Variants in DPP6 observed in about 807,000 individuals in gnomAD.
DPP6 encodes the protein A-type potassium channel modulatory protein DPP6.
DPP6 carries 69 observed loss-of-function variants against 122.6 expected under a neutral mutation model. The ratio of observed to expected loss-of-function variants is 0.56; its 90% CI spans 0.46 to 0.69. The LOEUF (loss-of-function observed/expected upper bound fraction) is 0.69. Among genes scored for constraint, DPP6 ranks in the 30% least tolerant of loss-of-function variants. The pLI is 0.00. For synonymous variants in DPP6, 418 were observed against 433.1 expected, an observed-to-expected ratio of 0.97 and a Z score of 0.43; for missense variants, 928 against 1,116.9, an observed-to-expected ratio of 0.83 and a Z score of 2.41.
intron 1 of DPP6, among the ~76,000 whole-genome samples, chr7:154,021,844 T>C (rs1195652801): frequency 6.6e-6 from 1 of 152,218 alleles, no homozygotes; most frequent in African/African-American, 2.4e-5. Flanking sequence ...CACCCACCTA[T>C]GTTGGTGAGA....
intron 5 of DPP6, among the ~76,000 whole-genome samples, chr7:154,623,335 A>G (rs557821821): frequency 2.0e-3 from 309 of 152,300 alleles, no homozygotes; most frequent in African/African-American, 6.9e-3. Context: ...CTGTGCTGGA[A>G]ACAAACTATT....
At chr7:153,890,200 A>G (rs2041205) in intron 1 of DPP6, among the ~76,000 whole-genome samples, 30,400 of 152,234 alleles carry the variant, frequency 0.2, 3,145 homozygotes, top group Middle Eastern at 0.23. Context: ...GTAACAGTGA[A>G]CCCACATACA....
chr7:153,966,195 G>A (rs934896265), intron 1 of DPP6, among the ~76,000 whole-genome samples: 2 of 146,826 alleles, frequency 1.4e-5, no homozygotes, highest in Admixed American at 1.4e-4. Flanking sequence ...CACATTGTGA[G>A]CTGATTAGAT....
At chr7:154,364,758 T>G (rs1432960657) in intron 1 of DPP6, among the ~76,000 whole-genome samples, 1 of 152,226 alleles carries the variant, frequency 6.6e-6, no homozygotes, top group Non-Finnish European at 1.5e-5. Context: ...GTAATCATTC[T>G]GCACCTCGAG....
chr7:154,442,989 C>T (rs1296345302), intron 1 of DPP6, among the ~76,000 whole-genome samples: 2 of 152,182 alleles, frequency 1.3e-5, no homozygotes, highest in Admixed American at 1.3e-4. Context: ...ACACCCCTTT[C>T]ACTCAGAGGT....
chr7:154,332,073 C>CT (rs5888570), intron 1 of DPP6, among the ~76,000 whole-genome samples: 4,368 of 141,882 alleles, frequency 0.031, 155 homozygotes, highest in African/African-American at 0.095. Context: ...GCTTTTTAAA[C>CT]TTTTTTTTTT....
At chr7:154,173,061 G>A (rs1056942852) in intron 1 of DPP6, among the ~76,000 whole-genome samples, 1 of 152,268 alleles carries the variant, frequency 6.6e-6, no homozygotes, top group East Asian at 1.9e-4. Flanking sequence ...GGAGTGAATC[G>A]CTTTCCTGGT....
intron 1 of DPP6, among the ~76,000 whole-genome samples, chr7:153,969,401 G>A (rs1444462143): frequency 6.8e-6 from 1 of 146,828 alleles, no homozygotes; most frequent in African/African-American, 2.7e-5. Flanking sequence ...GGCTTTTTGG[G>A]ATAAATTTCT....
At chr7:153,827,435 T>C in the DPP6 span, among the ~76,000 whole-genome samples, 24 of 152,136 alleles carry the variant, frequency 1.6e-4, no homozygotes, top group Admixed American at 1.5e-3. Flanking sequence ...AAGATGACTC[T>C]GAAAGAAGGA....
In DPP6 at chr7:154,113,259, A is replaced by G. The variant is rs6943384; in HGVS notation, c.243+60196A>G. 6.1e-3 allele frequency among the ~76,000 whole-genome samples: 928 copies of G among 152,252 alleles called. 8 individuals are homozygous for G. Among genetic ancestry groups the G allele is most frequent in the African/African-American group, 0.021 (860 of 41,540 alleles). ...TACCTGGAAATGAGATTGTTGGATTATATGGTGGTTCTATTTTTAGTGTTT... is the reference window on the plus strand; with the variant it reads ...TACCTGGAAATGAGATTGTTGGATTGTATGGTGGTTCTATTTTTAGTGTTT... On this transcript the variant is annotated intron_variant, in intron 1 of 25. Coordinates refer to ENST00000377770, the MANE Select transcript of DPP6 (RefSeq NM_130797.4).
intron 6 of DPP6, among the ~76,000 whole-genome samples, chr7:154,650,235 G>T (rs1370828998): frequency 1.3e-5 from 2 of 152,038 alleles, no homozygotes; most frequent in African/African-American, 4.8e-5. Flanking sequence ...TGAAGTGGGA[G>T]AATCGCATGA....
At chr7:154,396,567 G>A (rs943774736) in intron 1 of DPP6, among the ~76,000 whole-genome samples, 2 of 152,188 alleles carry the variant, frequency 1.3e-5, no homozygotes, top group Admixed American at 6.5e-5. Context: ...AAAGACAATC[G>A]GTGAAGGATT....
intron 1 of DPP6, among the ~76,000 whole-genome samples, chr7:153,988,534 C>G (rs1246177450): frequency 8.5e-5 from 13 of 152,290 alleles, no homozygotes; most frequent in Non-Finnish European, 4.4e-5. Flanking sequence ...CTGGCCTCAC[C>G]CACCCTTTTT....
chr7:154,759,878 C>A (rs1254335532), intron 8 of DPP6, among the ~76,000 whole-genome samples: 4 of 152,184 alleles, frequency 2.6e-5, no homozygotes, highest in Non-Finnish European at 5.9e-5. Context: ...TGGCTCATGG[C>A]CTTGGGAGGC....
At chr7:153,764,439 T>C in the DPP6 span, among the ~76,000 whole-genome samples, 1 of 152,152 alleles carries the variant, frequency 6.6e-6, no homozygotes, top group Non-Finnish European at 1.5e-5. Flanking sequence ...GCTCCTCCTC[T>C]GCACTCGCCA....
chr7:153,988,734 A>G (rs1451385633), intron 1 of DPP6, among the ~76,000 whole-genome samples: 1 of 152,242 alleles, frequency 6.6e-6, no homozygotes, highest in Non-Finnish European at 1.5e-5. Context: ...GTGGATAGGA[A>G]ATCATGGAAA....
At chr7:154,026,999 A>G (rs973645899) in intron 1 of DPP6, 3 of 146,508 alleles carry the variant, frequency 2.0e-5, no homozygotes, top group Non-Finnish European at 4.5e-5. Flanking sequence ...CAGCAAATGC[A>G]GGACTCCAGT....
At chr7:154,705,305 A>G (rs1840766410) in intron 7 of DPP6, among the ~76,000 whole-genome samples, 1 of 152,226 alleles carries the variant, frequency 6.6e-6, no homozygotes, top group Non-Finnish European at 1.5e-5. Flanking sequence ...GGACTCAGAC[A>G]GCATCCTGGG....
At chr7:153,844,980 A>G in the DPP6 span, among the ~76,000 whole-genome samples, 1 of 152,200 alleles carries the variant, frequency 6.6e-6, no homozygotes, top group African/African-American at 2.4e-5. Flanking sequence ...CAATACAAGG[A>G]GGTATTTAGC....
Sources: allele counts gnomAD v4.1 joint callset (sites outside exome capture counted in the v4.1 genomes callset), GRCh38; gene constraint gnomAD v4.1.1; transcripts MANE v1.5; gene names NCBI Gene and HGNC (gene_info 2026-07-23, HGNC 2026-07-21).